NAV3: variants seen among roughly 807,000 people sequenced by gnomAD.
NAV3 encodes the protein neuron navigator 3.
Under a neutral mutation model 244.7 loss-of-function variants are expected in NAV3, and 87 were observed. The ratio of observed to expected loss-of-function variants is 0.36; its 90% CI spans 0.30 to 0.42. NAV3 has a LOEUF of 0.42. Ranked by LOEUF, NAV3 falls within the 20% of genes least tolerant of loss-of-function variation. The probability of loss-of-function intolerance (pLI) is 1.00; values close to 1 mark genes in which losing one functional copy is unlikely to be tolerated. For missense variants in NAV3, 2,663 were observed against 2,893.3 expected, an observed-to-expected ratio of 0.92 and a Z score of 1.83; for synonymous variants, 1,126 against 1,042.2, an observed-to-expected ratio of 1.08 and a Z score of -1.55.
At chr12:78,024,435 T>C (rs577667532) in intron 9 of NAV3, among the ~76,000 whole-genome samples, 1 of 152,134 alleles carries the variant, frequency 6.6e-6, no homozygotes, top group Non-Finnish European at 1.5e-5. Context: ...ATGTCCGACA[T>C]CACCAGTCCC....
intron 2 of NAV3, among the ~76,000 whole-genome samples, chr12:77,702,285 T>C (rs993653614): frequency 1.3e-5 from 2 of 152,038 alleles, no homozygotes; most frequent in African/African-American, 4.8e-5. Context: ...TGCATTCTTA[T>C]GCTTGCTGGC....
chr12:78,047,744 A>C (rs749855105), intron 9 of NAV3, among the ~76,000 whole-genome samples: 1 of 152,026 alleles, frequency 6.6e-6, no homozygotes, highest in Non-Finnish European at 1.5e-5. Flanking sequence ...CTGAATTTGA[A>C]TGTTGGCCTG....
At chr12:77,827,444 A>G (rs1381277900), upstream of NAV3, among the ~76,000 whole-genome samples, 1 of 151,964 alleles carries the variant, frequency 6.6e-6, no homozygotes, top group Non-Finnish European at 1.5e-5. Context: ...TAAATTACTG[A>G]TATTAAAATT....
At chr12:77,662,979 A>C (rs747095197) in intron 2 of NAV3, among the ~76,000 whole-genome samples, 15 of 152,212 alleles carry the variant, frequency 9.9e-5, no homozygotes, top group South Asian at 2.1e-4. Context: ...GATTTCATTA[A>C]AGAAAAATGC....
At chr12:77,583,544 A>G (rs1869463732) in intron 2 of NAV3, among the ~76,000 whole-genome samples, 1 of 152,208 alleles carries the variant, frequency 6.6e-6, no homozygotes, top group Non-Finnish European at 1.5e-5. Context: ...GTAGCATACC[A>G]TGTTGTTTTG....
At chr12:78,100,403 G>C (rs1954479768) in intron 12 of NAV3, among the ~76,000 whole-genome samples, 1 of 151,936 alleles carries the variant, frequency 6.6e-6, no homozygotes, top group Admixed American at 6.6e-5. Flanking sequence ...TATTGTAGGA[G>C]ACCATGCAAG....
chr12:78,054,857 T>C (rs1459454652), intron 11 of NAV3, among the ~76,000 whole-genome samples: 1 of 151,700 alleles, frequency 6.6e-6, no homozygotes, highest in Non-Finnish European at 1.5e-5. Flanking sequence ...AGAGAGATGA[T>C]GAATTTAGAG....
chr12:78,042,584 G>C (rs1369382275), intron 9 of NAV3, among the ~76,000 whole-genome samples: 1 of 151,812 alleles, frequency 6.6e-6, no homozygotes, highest in Non-Finnish European at 1.5e-5. Context: ...TTTGAGGTCA[G>C]GAGTTCAAGA....
chr12:77,925,002 G>GAA (rs1416531755), intron 1 of NAV3, among the ~76,000 whole-genome samples: 1 of 151,864 alleles, frequency 6.6e-6, no homozygotes, highest in Non-Finnish European at 1.5e-5. Flanking sequence ...GAACTTGGAA[G>GAA]AAAGCCCAGA....
intron 2 of NAV3, among the ~76,000 whole-genome samples, chr12:77,752,548 G>A (rs888723825): frequency 1.3e-5 from 2 of 152,224 alleles, no homozygotes; most frequent in South Asian, 4.1e-4. Context: ...CTAGTCTCAA[G>A]TCCAATGGCT....
At chr12:77,869,213 G>A (rs1339571183) in intron 1 of NAV3, among the ~76,000 whole-genome samples, 1 of 149,302 alleles carries the variant, frequency 6.7e-6, no homozygotes, top group Admixed American at 6.7e-5. Context: ...AGGATGAATT[G>A]CCTAACCTAA....
chr12:78,119,043 A>G (rs1163666764), intron 14 of NAV3, among the ~76,000 whole-genome samples, 194 bp from the exon 15 acceptor site: 3 of 152,194 alleles, frequency 2.0e-5, no homozygotes, highest in African/African-American at 4.8e-5. Flanking sequence ...CATCTCTCAT[A>G]ATGTTTCTTC....
chr12:77,864,932 T>C (rs1311443749), intron 1 of NAV3, among the ~76,000 whole-genome samples: 2 of 152,006 alleles, frequency 1.3e-5, no homozygotes, highest in African/African-American at 4.8e-5. Context: ...AATTAATGAG[T>C]GAGCTGACCC....
intron 39 of NAV3, 46 bp downstream of exon 39, chr12:78,205,184 T>C: frequency 8.5e-6 from 13 of 1,524,196 alleles, no homozygotes; most frequent in Non-Finnish European, 9.9e-6. Flanking sequence ...TTGACTACAG[T>C]GTATAGTCAT....
At chr12:78,182,437 T>G (rs978420566) in intron 30 of NAV3, among the ~76,000 whole-genome samples, 1 of 151,948 alleles carries the variant, frequency 6.6e-6, no homozygotes, top group Non-Finnish European at 1.5e-5. Flanking sequence ...ACCTTATAGG[T>G]CAGACTAATG....
chr12:77,643,114 TATTCTC>T (rs1291504020), intron 2 of NAV3, among the ~76,000 whole-genome samples: 1 of 151,998 alleles, frequency 6.6e-6, no homozygotes, highest in East Asian at 1.9e-4. Context: ...AACAAAAACA[TATTCTC>T]ATACTCTATA....
chr12:78,004,454 T>A (rs1261578270), intron 7 of NAV3, among the ~76,000 whole-genome samples: 1 of 152,180 alleles, frequency 6.6e-6, no homozygotes, highest in Non-Finnish European at 1.5e-5. Context: ...TACAAATCCA[T>A]TTTTGGAATG....
At chr12:77,848,880 A>T (rs77410459) in intron 1 of NAV3, among the ~76,000 whole-genome samples, 1,748 of 152,312 alleles carry the variant, frequency 0.011, 28 homozygotes, top group African/African-American at 0.04. Flanking sequence ...GATTAAAAAA[A>T]ATCAATATTT....
intron 12 of NAV3, among the ~76,000 whole-genome samples, chr12:78,076,719 G>A (rs923648622): frequency 1.3e-5 from 2 of 152,082 alleles, no homozygotes; most frequent in Non-Finnish European, 2.9e-5. Flanking sequence ...AAAGCATGTA[G>A]CTAGGGTATT....
Sources: allele counts gnomAD v4.1 joint callset (sites outside exome capture counted in the v4.1 genomes callset), GRCh38; gene constraint gnomAD v4.1.1; transcripts MANE v1.5; gene names NCBI Gene and HGNC (gene_info 2026-07-23, HGNC 2026-07-21).